Variants in XPO5 observed in about 807,000 individuals in gnomAD.
The protein encoded by XPO5 is exportin-5.
A neutral mutation model predicts 160.6 loss-of-function variants in XPO5; 46 were observed. That is an observed-to-expected ratio of 0.29 (90% confidence interval 0.23 to 0.37). The LOEUF is 0.37. XPO5 is among the 10% of genes least tolerant of loss of function. XPO5 has a pLI of 1.00. For synonymous variants in XPO5, 537 were observed against 519.3 expected (o/e 1.03, Z -0.46); for missense variants, 1,090 against 1,463.9 (o/e 0.74, Z 4.17).
intron 23 of XPO5, 145 bp downstream of exon 23, chr6:43,530,543 G>T (rs1029386410): frequency 1.0e-6 from 1 of 987,972 alleles, no homozygotes; most frequent in Non-Finnish European, 1.4e-6. Flanking sequence ...ATCTGCCAGT[G>T]TTTTTAATGA....
rs747314651 is a variant in XPO5 at position 43,555,856 on chromosome 6, A to G, written c.1421T>C (p.Leu474Pro). The change falls in exon 13 of 32, where the codon CTT (leucine) becomes CCT (proline). Residue 474 changes from leucine to proline, a missense_variant. Leu to Pro is a moderately conservative substitution (Grantham distance 98, BLOSUM62 -3). This residue lies in a region of XPO5 where 810 missense variants were observed against 1,139.0 expected (regional missense o/e 0.71). Transcript: ENST00000265351. ...CTTACAATTCACAGAACCAGCATCA[A>G]GAAAAGTTGATAGTTGATACTTTAG... is the stretch of plus-strand genomic sequence containing the variant. ...EWLKYQLSTF[L>P]DAGSVNSCSA... 6.2e-7 allele frequency: 1 copy of G among 1,613,980 alleles called. No homozygotes were observed. Among genetic ancestry groups the G allele is most frequent in the Admixed American group, 1.7e-5 (1 of 60,002 alleles).
chr6:43,524,769 G>A (rs570838275), intron 30 of XPO5, 62 bp downstream of exon 30: 3 of 1,604,118 alleles, frequency 1.9e-6, no homozygotes, highest in Non-Finnish European at 2.6e-6. Context: ...AGGCCCAAGA[G>A]ACTAGGAGCA....
intron 23 of XPO5, 63 bp from the exon 24 acceptor site, chr6:43,528,988 G>C: frequency 6.8e-7 from 1 of 1,474,866 alleles, no homozygotes; most frequent in Non-Finnish European, 9.3e-7. Context: ...CCAGGTGGTG[G>C]GTTGCACCCC....
Position 43,536,397 on chromosome 6 carries a change from A to G in XPO5, c.2343-2390T>C, listed in dbSNP as rs372316785. 1.5e-4 allele frequency among the ~76,000 whole-genome samples: 22 copies of G among 150,878 alleles called. No homozygotes were observed. The South Asian group carries it at 4.2e-3, about 29-fold the overall frequency. ...GCCACTGCACTCCAGCCTGCGCAAC[A>G]CAGTGAGACTCCAACTCGACAAAAA... On this transcript the variant is annotated intron_variant, in intron 20 of 31. Coordinates refer to ENST00000265351, the MANE Select transcript of XPO5 (RefSeq NM_020750.3).
intron 8 of XPO5, among the ~76,000 whole-genome samples, chr6:43,564,229 T>C (rs967950743): frequency 6.6e-6 from 1 of 152,016 alleles, no homozygotes; most frequent in Non-Finnish European, 1.5e-5. Flanking sequence ...GCCCGCTAAA[T>C]TTATTTAAAA....
chr6:43,541,849 C>T (rs1049533513), intron 20 of XPO5, among the ~76,000 whole-genome samples: 2 of 152,218 alleles, frequency 1.3e-5, no homozygotes, highest in African/African-American at 2.4e-5. Context: ...ACGATCTTAG[C>T]TCACTGTAAC....
Position 43,553,487 on chromosome 6 carries a change from T to A in XPO5, c.1458A>T (p.Gly486=). Residue 486 remains glycine (G), a synonymous_variant, in exon 14 of 32, where the codon GGA becomes GGT. Coordinates refer to ENST00000265351, the MANE Select transcript of XPO5 (RefSeq NM_020750.3). ...AGSVNSCSAV[G]TGEGSLCSVF... Reference sequence around the variant, plus strand: ...CGGAACAGAGGCTTCCTTCTCCAGTTCCAACTGCAGAACAAGCTTTAAAAC... The same window carrying A: ...CGGAACAGAGGCTTCCTTCTCCAGTACCAACTGCAGAACAAGCTTTAAAAC... 6.4e-7 allele frequency: 1 copy of A among 1,558,696 alleles called. No homozygotes were observed. Among genetic ancestry groups the A allele is most frequent in the Non-Finnish European group, 8.7e-7 (1 of 1,151,056 alleles).
chr6:43,542,767 G>A (rs1046468086), intron 20 of XPO5, among the ~76,000 whole-genome samples: 3 of 152,084 alleles, frequency 2.0e-5, no homozygotes, highest in African/African-American at 7.2e-5. Context: ...GCATATAACT[G>A]GTGGGAATAT....
At chr6:43,544,333 C>T (rs1322240254) in intron 20 of XPO5, 1 of 152,994 alleles carries the variant, frequency 6.5e-6, no homozygotes, top group Admixed American at 6.5e-5. Context: ...GAGGAAAAAA[C>T]TGGAGAAAGA....
chr6:43,541,274 T>C (rs1367252879), intron 20 of XPO5, among the ~76,000 whole-genome samples: 1 of 152,216 alleles, frequency 6.6e-6, no homozygotes. Flanking sequence ...ACTGGATTGT[T>C]TGTAACACAA....
At chr6:43,526,166 A>G (rs1293820906) in intron 27 of XPO5, 12 of 502,420 alleles carry the variant, frequency 2.4e-5, no homozygotes, top group Non-Finnish European at 3.6e-5. Context: ...TGCTGCAAAT[A>G]CTGAAGTTAC....
In XPO5 at chr6:43,570,973, C is replaced by G; in HGVS notation, c.322G>C (p.Glu108Gln). Residue 108 changes from glutamate to glutamine, a missense_variant, in exon 4 of 32, where the codon GAG (glutamate) becomes CAG (glutamine). Glu to Gln is a conservative substitution (Grantham distance 29). Transcript: ENST00000265351. ...IANGTLNILEEENHIKDALSR... is the reference protein window; with the variant it reads ...IANGTLNILEQENHIKDALSR... ...AGAGCATCTTTAATATGGTTCTCCT[C>G]TTCCAAAATGTTCAATGTTCCCTGA... The G allele has an allele frequency of 6.2e-7, 1 of 1,612,272 alleles. No individual in the cohort carries two copies. The highest frequency in any genetic ancestry group is 8.5e-7 in the Non-Finnish European group (1 of 1,179,404).
chr6:43,574,477 T>G (rs1763188149), intron 1 of XPO5, among the ~76,000 whole-genome samples: 2 of 150,816 alleles, frequency 1.3e-5, no homozygotes, highest in African/African-American at 4.9e-5. Context: ...TCACTCTATT[T>G]TATGTGTATA....
In XPO5 at chr6:43,527,670, C is replaced by A; in HGVS notation, c.2884G>T (p.Val962Leu). Residue 962 changes from valine (V) to leucine (L), a missense_variant, in exon 26 of 32, where the codon GTG becomes TTG. Transcript: ENST00000265351. The stretch of plus-strand genomic sequence containing the variant: ...ATGACTTCTCGGGTTAACATCCTCA[C>A]CAGTTGCTCCTCCAGCATCTCTTGA... ...ESQEMLEEQL[V>L]RMLTREVMDL... 1.2e-6 allele frequency: 2 copies of A among 1,614,008 alleles called. No individual in the cohort carries two copies. The highest frequency in any genetic ancestry group is 1.1e-5 in the South Asian group (1 of 91,084).
At chr6:43,555,379 C>T (rs1193349401) in intron 13 of XPO5, 1 of 154,004 alleles carries the variant, frequency 6.5e-6, no homozygotes, top group Non-Finnish European at 1.4e-5. Context: ...AGTATAATTT[C>T]ACAAAAGCTT....
At chr6:43,540,667 T>G (rs1224627986) in intron 20 of XPO5, among the ~76,000 whole-genome samples, 1 of 151,890 alleles carries the variant, frequency 6.6e-6, no homozygotes, top group Non-Finnish European at 1.5e-5. Context: ...AAAAATAAAT[T>G]AAAAAATCGA....
chr6:43,542,140 CATTTTTATTTTTTA>C (rs1239933481), intron 20 of XPO5, among the ~76,000 whole-genome samples: 1 of 152,072 alleles, frequency 6.6e-6, no homozygotes, highest in Non-Finnish European at 1.5e-5. Flanking sequence ...TCAGGCTAGT[CATTTTTATTTTTTA>C]ATTTTTATTT....
Position 43,527,357 on chromosome 6 carries a change from C to T in XPO5, c.2920+277G>A, listed in dbSNP as rs111601510. ...CGTGATTTCGGCTCACTGCAGCCTC[C>T]GCCTCCCGGGTTCAAGCGATTCTCC... On this transcript the variant is annotated intron_variant, in intron 26 of 31. Coordinates refer to ENST00000265351, the MANE Select transcript of XPO5 (RefSeq NM_020750.3). 0.02 allele frequency: 5,594 copies of T among 276,466 alleles called. 100 individuals carry two copies. Among genetic ancestry groups the T allele is most frequent in the South Asian group, 0.032 (685 of 21,646 alleles). The allele number at this position is 276,466 out of a possible 1,614,324, so 17.1% of individuals were successfully genotyped here.
Position 43,523,741 on chromosome 6 carries a change from C to G in XPO5, c.*127G>C. Reference sequence around the variant, plus strand: ...GGGCCTGTTCTCTCCAGCTCCAGACCTGGATCTCTTTCCAGGCTGACAGTG... The same window carrying G: ...GGGCCTGTTCTCTCCAGCTCCAGACGTGGATCTCTTTCCAGGCTGACAGTG... On this transcript the variant is annotated 3_prime_UTR_variant, in exon 32 of 32. Transcript: ENST00000265351. The G allele has an allele frequency of 6.7e-7, 1 of 1,493,012 alleles. No individual in the cohort carries two copies. Among genetic ancestry groups the G allele is most frequent in the Non-Finnish European group, 9.3e-7 (1 of 1,070,442 alleles). 92.5% of individuals were successfully genotyped at this position (1,493,012 alleles called of 1,614,324 possible).
Sources: gnomAD v4.1 joint callset for allele counts (sites outside exome capture counted in the v4.1 genomes callset) on GRCh38, gnomAD v4.1.1 for gene constraint, gnomAD v4.1.1 regional missense constraint, MANE v1.5 for transcripts, NCBI Gene and HGNC (gene_info 2026-07-23, HGNC 2026-07-21) for gene names.